Variants in JAK1 observed in about 807,000 individuals in gnomAD.
The protein encoded by JAK1 is Janus kinase 1, also known as tyrosine-protein kinase JAK1.
A neutral mutation model predicts 136.6 loss-of-function variants in JAK1; 16 were observed. That is an observed-to-expected ratio of 0.12 (90% CI 0.08 to 0.18). JAK1 has a LOEUF of 0.18. Among genes scored for constraint, JAK1 ranks in the 10% least tolerant of loss-of-function variants. The pLI is 1.00. For synonymous variants in JAK1, 492 were observed against 519.5 expected, an observed-to-expected ratio of 0.95 and a Z score of 0.72; for missense variants, 859 against 1,450.1, an observed-to-expected ratio of 0.59 and a Z score of 6.62.
chr1:64,888,186 T>C (rs1242598149), intron 1 of JAK1, among the ~76,000 whole-genome samples: 1 of 152,224 alleles, frequency 6.6e-6, no homozygotes, highest in Non-Finnish European at 1.5e-5. Context: ...GTTGTTGTTT[T>C]GTTTTGTTTT....
chr1:64,844,012 C>G lies in JAK1; in HGVS notation c.2403+52G>C, dbSNP rs987084145. Reference sequence around the variant, plus strand: ...CTTCCGACAACTCCTGGGAAGCCCACGAGCACCTGAAAGCCCTCACTTGCC... The same window carrying G: ...CTTCCGACAACTCCTGGGAAGCCCAGGAGCACCTGAAAGCCCTCACTTGCC... On this transcript the variant is annotated intron_variant, in intron 17 of 24. Coordinates refer to ENST00000342505, the MANE Select transcript of JAK1 (RefSeq NM_002227.4). This position sits in a 1 kb window ranked among gnomAD's most constrained non-coding sequence, Gnocchi z 5.7. The G allele has an allele frequency of 6.2e-7, 1 of 1,603,700 alleles. No homozygotes were observed.
At chr1:64,994,619 C>T (rs1646687166) in intron 2 of JAK1, among the ~76,000 whole-genome samples, 1 of 152,164 alleles carries the variant, frequency 6.6e-6, no homozygotes, top group African/African-American at 2.4e-5. Context: ...ACCCAAACAC[C>T]TCTGATTAGG....
intron 1 of JAK1, among the ~76,000 whole-genome samples, chr1:64,964,791 T>C (rs1646343066): frequency 6.6e-6 from 1 of 152,258 alleles, no homozygotes; most frequent in African/African-American, 2.4e-5. Context: ...TCCAGTATGA[T>C]GTCTTCACAT....
intron 1 of JAK1, among the ~76,000 whole-genome samples, chr1:65,053,860 A>G (rs1194353689): frequency 2.0e-5 from 3 of 152,166 alleles, no homozygotes; most frequent in Non-Finnish European, 2.9e-5. Context: ...TTTGTGGCAC[A>G]CTTAAAATTG....
chr1:64,984,424 A>G lies in JAK1; in HGVS notation c.-78+60056T>C, dbSNP rs1646579194. Among the ~76,000 whole-genome samples, 1 of 152,212 alleles carries G rather than the reference A, an allele frequency of 6.6e-6. No homozygotes were observed. The highest frequency in any genetic ancestry group is 2.1e-4 in the South Asian group (1 of 4,834). ...CTTGGTCTCTCCTACGCAGAAGAGA[A>G]TGTCCAAGAAATGAAATATTTTAAA... On this transcript the variant is annotated intron_variant, in intron 2 of 25. Coordinates refer to the JAK1 transcript ENST00000671954. The surrounding 1 kb of genome is among the most constrained non-coding windows in gnomAD (Gnocchi z 4.1).
intron 1 of JAK1, among the ~76,000 whole-genome samples, chr1:65,063,505 T>C (rs1647899633): frequency 1.3e-5 from 2 of 152,124 alleles, no homozygotes; most frequent in Admixed American, 1.3e-4. Flanking sequence ...GTCACCACTT[T>C]TGAAATTAAT....
chr1:65,007,165 G>T (rs1267285990), intron 2 of JAK1, among the ~76,000 whole-genome samples: 1 of 152,170 alleles, frequency 6.6e-6, no homozygotes. Flanking sequence ...AATGTAAATA[G>T]GACAAAGACA....
chr1:64,921,059 G>C (rs1645486146), intron 1 of JAK1, among the ~76,000 whole-genome samples: 1 of 152,172 alleles, frequency 6.6e-6, no homozygotes. Flanking sequence ...GGAAAATAAT[G>C]TAAGTTGAAC....
At chr1:64,839,116 A>T (rs2780893) in intron 20 of JAK1, among the ~76,000 whole-genome samples, 3 of 135,470 alleles carry the variant, frequency 2.2e-5, no homozygotes, top group South Asian at 4.9e-4. Flanking sequence ...ACTGCAGTCC[A>T]GCCTGGGCCA....
intron 1 of JAK1, among the ~76,000 whole-genome samples, chr1:64,890,698 C>A (rs1337310486): frequency 2.0e-5 from 3 of 152,134 alleles, no homozygotes; most frequent in Admixed American, 6.5e-5. Context: ...TGTAAGTGTA[C>A]AAAAAGGTAT....
chr1:64,838,297 A>G (rs1340942779), intron 21 of JAK1, among the ~76,000 whole-genome samples, 168 bp downstream of exon 21: 1 of 152,246 alleles, frequency 6.6e-6, no homozygotes, highest in Non-Finnish European at 1.5e-5. Flanking sequence ...ACCATATTTA[A>G]ATCCGTTTAC....
intron 1 of JAK1, among the ~76,000 whole-genome samples, chr1:64,928,798 A>AAAAAAAAAAAAAAAAC (rs1557699679): frequency 6.7e-5 from 6 of 89,980 alleles, no homozygotes; most frequent in African/African-American, 2.9e-4. Flanking sequence ...AAAAAAAAAC[A>AAAAAAAAAAAAAAAAC]AAAAAAAAAA....
At chr1:64,996,492 G>T (rs1646705180) in intron 2 of JAK1, among the ~76,000 whole-genome samples, 1 of 152,166 alleles carries the variant, frequency 6.6e-6, no homozygotes, top group Admixed American at 6.5e-5. Flanking sequence ...TAGAGAAAAA[G>T]AAACAAATCT....
chr1:65,001,679 G>GT (rs1491588871), intron 2 of JAK1, among the ~76,000 whole-genome samples: 77 of 72,252 alleles, frequency 1.1e-3, no homozygotes, highest in East Asian at 9.0e-3. Context: ...GTGTGTGTGT[G>GT]GGGGGGGGGG....
Position 65,067,352 on chromosome 1 carries a change from G to T in JAK1, c.-181+252C>A, listed in dbSNP as rs554922775. Among the ~76,000 whole-genome samples the T allele has an allele frequency of 5.6e-3, 837 of 149,578 alleles. 5 individuals are homozygous for T. The highest frequency in any genetic ancestry group is 0.021 in the Middle Eastern group (6 of 292). ...CGGCTGCGTGTGCGTGTGCGCCGCG[G>T]CCAGCCTCGCCGGAGCCGCTCTGTG... is the stretch of plus-strand genomic sequence containing the variant. On this transcript the variant is annotated intron_variant, in intron 1 of 25. Coordinates refer to the JAK1 transcript ENST00000671954.
Position 65,006,359 on chromosome 1 carries a change from TTC to T in JAK1, c.-78+38119_-78+38120del, listed in dbSNP as rs745976798. Among the ~76,000 whole-genome samples the T allele has an allele frequency of 1.2e-4, 18 of 152,286 alleles. 1 individual carries two copies. The highest frequency in any genetic ancestry group is 3.3e-4 in the Admixed American group (5 of 15,294). On this transcript the variant is annotated intron_variant, in intron 2 of 25. Transcript: ENST00000671954. ...TAATTAAAACGGCTTCTATTGTTTC[TTC>T]TTTTTTATTTTTTAAAGATGTGGTC...
At chr1:64,878,234 T>C (rs1316252886) in intron 4 of JAK1, among the ~76,000 whole-genome samples, 2 of 152,236 alleles carry the variant, frequency 1.3e-5, no homozygotes, top group Non-Finnish European at 2.9e-5. Context: ...GCTTAGCAAG[T>C]ATGTAACTAA....
At chr1:64,867,930 C>T (rs528895708) in intron 6 of JAK1, among the ~76,000 whole-genome samples, 52 of 152,142 alleles carry the variant, frequency 3.4e-4, no homozygotes, top group African/African-American at 1.1e-3. Flanking sequence ...GCCAAAGTTG[C>T]GGTGAGCCAA....
Position 65,029,603 on chromosome 1 carries a change from A to T in JAK1, c.-78+14877T>A, listed in dbSNP as rs118144250. Among the ~76,000 whole-genome samples, 56 of 152,356 alleles carry T rather than the reference A, an allele frequency of 3.7e-4. 2 individuals carry two copies. In the East Asian group the frequency reaches 9.2e-3, roughly 25 times the overall value. On this transcript the variant is annotated intron_variant, in intron 2 of 25. Coordinates refer to the JAK1 transcript ENST00000671954. ...GGTATTTGAAAATAAAATATGGTACATACACCATGGAGTACTATGCAGCCA... is the reference window on the plus strand; with the variant it reads ...GGTATTTGAAAATAAAATATGGTACTTACACCATGGAGTACTATGCAGCCA...
Sources: allele counts gnomAD v4.1 joint callset (sites outside exome capture counted in the v4.1 genomes callset), GRCh38; gene constraint gnomAD v4.1.1; non-coding constraint Gnocchi (gnomAD v3.1); transcripts MANE v1.5; gene names NCBI Gene and HGNC (gene_info 2026-07-23, HGNC 2026-07-21).